B3GALT1: variants seen among roughly 807,000 people sequenced by gnomAD.
B3GALT1 encodes beta-1,3-galactosyltransferase 1, also known as UDP-Gal:betaGlcNAc beta 1,3-galactosyltransferase, polypeptide 1.
Under a neutral mutation model 23.2 loss-of-function variants are expected in B3GALT1, and 10 were observed. That is an observed-to-expected ratio of 0.43 (90% CI 0.27 to 0.73). B3GALT1 has a LOEUF of 0.73. Among genes scored for constraint, B3GALT1 ranks in the 30% least tolerant of loss-of-function variants. B3GALT1 has a pLI of 0.21. For missense variants in B3GALT1, 299 were observed against 405.4 expected, an observed-to-expected ratio of 0.74 and a Z score of 2.25; for synonymous variants, 156 against 141.5, an observed-to-expected ratio of 1.10 and a Z score of -0.73.
At chr2:167,576,658 G>A (rs183196732) in intron 2 of B3GALT1, among the ~76,000 whole-genome samples, 2 of 150,122 alleles carry the variant, frequency 1.3e-5, no homozygotes, top group East Asian at 4.0e-4. Context: ...CACTAAATAT[G>A]TGACTAAATA....
intron 1 of B3GALT1, among the ~76,000 whole-genome samples, chr2:167,406,726 A>G (rs1012529933): frequency 2.6e-5 from 4 of 152,118 alleles, no homozygotes; most frequent in African/African-American, 9.7e-5. Context: ...AGCCATGGAA[A>G]CTCTGTGACT....
intron 1 of B3GALT1, among the ~76,000 whole-genome samples, chr2:167,359,879 A>G (rs1170336111): frequency 1.3e-5 from 2 of 152,100 alleles, no homozygotes; most frequent in African/African-American, 2.4e-5. Context: ...GTGTTATTAC[A>G]TGTTATTAGG....
At chr2:167,624,586 A>G (rs1685310015) in intron 2 of B3GALT1, among the ~76,000 whole-genome samples, 1 of 152,082 alleles carries the variant, frequency 6.6e-6, no homozygotes, top group Admixed American at 6.6e-5. Context: ...TCAAACAACT[A>G]GTTAACAAGA....
At chr2:167,755,495 CCA>C (rs1182032033) in intron 3 of B3GALT1, among the ~76,000 whole-genome samples, 15 of 147,200 alleles carry the variant, frequency 1.0e-4, no homozygotes, top group Non-Finnish European at 1.4e-4. Flanking sequence ...CCTCACCCCT[CCA>C]ATCAATGAGG....
At chr2:167,852,602 A>T (rs944622465) in intron 4 of B3GALT1, among the ~76,000 whole-genome samples, 6 of 152,164 alleles carry the variant, frequency 3.9e-5, no homozygotes, top group African/African-American at 1.4e-4. Context: ...TAATGAAGTT[A>T]TATGAGTTCA....
chr2:167,374,069 G>T (rs529808336), intron 1 of B3GALT1, among the ~76,000 whole-genome samples: 3 of 152,266 alleles, frequency 2.0e-5, no homozygotes, highest in Admixed American at 2.0e-4. Context: ...TTATGTCCAT[G>T]AGTACCCAAC....
chr2:167,449,546 G>A (rs1039296632), intron 1 of B3GALT1, among the ~76,000 whole-genome samples: 2 of 152,098 alleles, frequency 1.3e-5, no homozygotes, highest in East Asian at 3.9e-4. Context: ...GCAAACAGCA[G>A]CAGTTTGACT....
intron 2 of B3GALT1, among the ~76,000 whole-genome samples, chr2:167,630,002 C>T (rs1234125318): frequency 6.6e-6 from 1 of 151,670 alleles, no homozygotes; most frequent in Non-Finnish European, 1.5e-5. Context: ...TGTTATGACA[C>T]TAGACAAAAC....
At chr2:167,770,457 A>G (rs886454620) in intron 3 of B3GALT1, among the ~76,000 whole-genome samples, 2 of 152,084 alleles carry the variant, frequency 1.3e-5, no homozygotes, top group Admixed American at 1.3e-4. Flanking sequence ...TGTTTTGTTC[A>G]TGTTTTAATT....
At chr2:167,309,497 A>G (rs1461429025) in intron 1 of B3GALT1, among the ~76,000 whole-genome samples, 1 of 152,050 alleles carries the variant, frequency 6.6e-6, no homozygotes, top group African/African-American at 2.4e-5. Flanking sequence ...ATCAGTATAT[A>G]TTGCACACAA....
intron 2 of B3GALT1, among the ~76,000 whole-genome samples, chr2:167,640,620 G>A (rs892183707): frequency 5.9e-5 from 9 of 151,986 alleles, no homozygotes; most frequent in African/African-American, 1.2e-4. Context: ...GTCTGCCATC[G>A]GACCAGGTAT....
chr2:167,444,821 T>G lies in B3GALT1; in HGVS notation c.-510-45356T>G, dbSNP rs182955088. ...TTGATGTTTTGAAAAAACCAGCTCC[T>G]GGATTCGTTGATTTTTTGAAGAGTT... On this transcript the variant is annotated intron_variant, in intron 1 of 4. Coordinates refer to ENST00000392690, the MANE Select transcript of B3GALT1 (RefSeq NM_020981.4). 5.6e-3 allele frequency among the ~76,000 whole-genome samples: 845 copies of G among 152,230 alleles called. 9 individuals carry two copies. The highest frequency in any genetic ancestry group is 0.02 in the African/African-American group (809 of 41,472).
chr2:167,333,675 C>T (rs1184125453), intron 1 of B3GALT1, among the ~76,000 whole-genome samples: 1 of 147,286 alleles, frequency 6.8e-6, no homozygotes, highest in East Asian at 2.3e-4. Flanking sequence ...TCTCAAGATG[C>T]TGCTGGAACT....
intron 1 of B3GALT1, among the ~76,000 whole-genome samples, chr2:167,471,422 A>G (rs988970160): frequency 2.0e-5 from 3 of 152,184 alleles, no homozygotes; most frequent in Non-Finnish European, 4.4e-5. Flanking sequence ...ACCCCCATTG[A>G]AAATGAAAGA....
chr2:167,686,279 A>G (rs907201679), intron 3 of B3GALT1, among the ~76,000 whole-genome samples: 5 of 152,206 alleles, frequency 3.3e-5, no homozygotes, highest in African/African-American at 9.6e-5. Context: ...GTTATATACT[A>G]GGTTACAGTT....
chr2:167,379,398 A>G (rs1697810798), intron 1 of B3GALT1, among the ~76,000 whole-genome samples: 3 of 152,190 alleles, frequency 2.0e-5, no homozygotes, highest in Middle Eastern at 6.8e-3. Flanking sequence ...TTCTTTCCCT[A>G]TAATATTATT....
At chr2:167,814,691 G>A (rs868545931) in intron 3 of B3GALT1, 2 of 152,378 alleles carry the variant, frequency 1.3e-5, no homozygotes, top group African/African-American at 4.8e-5. Flanking sequence ...GCGGGAGGCG[G>A]AGGTTGCAGT....
At chr2:167,717,535 C>A (rs1226677687) in intron 3 of B3GALT1, among the ~76,000 whole-genome samples, 1 of 151,996 alleles carries the variant, frequency 6.6e-6, no homozygotes, top group Non-Finnish European at 1.5e-5. Flanking sequence ...TCCTTTGTCG[C>A]CACACCTGTC....
chr2:167,714,735 T>C, intron 3 of B3GALT1: 1 of 1,613,892 alleles, frequency 6.2e-7, no homozygotes, highest in Non-Finnish European at 8.5e-7. Flanking sequence ...TGAACAGTTC[T>C]CTCCAATTCT....
Sources: allele counts gnomAD v4.1 joint callset (sites outside exome capture counted in the v4.1 genomes callset), GRCh38; gene constraint gnomAD v4.1.1; transcripts MANE v1.5; gene names NCBI Gene and HGNC (gene_info 2026-07-23, HGNC 2026-07-21).